The following HIVEP3 variants were observed in gnomAD, a reference collection of about 807,000 sequenced individuals.
HIVEP3 encodes transcription factor HIVEP3.
Under a neutral mutation model 152.8 loss-of-function variants are expected in HIVEP3, and 49 were observed. The observed-to-expected ratio is 0.32, with a 90% CI of 0.26 to 0.41. The LOEUF (loss-of-function observed/expected upper bound fraction) is 0.41. Ranked by LOEUF, HIVEP3 falls within the 10% of genes least tolerant of loss-of-function variation. HIVEP3 has a pLI of 1.00. For missense variants in HIVEP3, 2,790 were observed against 3,103.3 expected, an observed-to-expected ratio of 0.90 and a Z score of 2.40; for synonymous variants, 1,269 against 1,289.0, an observed-to-expected ratio of 0.98 and a Z score of 0.33.
intron 1 of HIVEP3, among the ~76,000 whole-genome samples, chr1:41,765,962 C>T (rs865884381): frequency 1.2e-4 from 18 of 152,338 alleles, no homozygotes; most frequent in Middle Eastern, 3.4e-3. Flanking sequence ...CCCTGGCCCA[C>T]GCTGGCTGAC....
intron 2 of HIVEP3, among the ~76,000 whole-genome samples, chr1:41,639,006 C>T (rs1014405895): frequency 7.2e-5 from 11 of 152,210 alleles, no homozygotes; most frequent in African/African-American, 2.7e-4. Flanking sequence ...CCCTGAGGCC[C>T]CTGCCACCCT....
chr1:42,017,173 T>C (rs1230007940), intron 1 of HIVEP3, among the ~76,000 whole-genome samples: 1 of 152,140 alleles, frequency 6.6e-6, no homozygotes, highest in Non-Finnish European at 1.5e-5. Context: ...TTTTTTCCAA[T>C]TCATGTTTCT....
chr1:42,015,207 A>G (rs1292489186), intron 1 of HIVEP3, among the ~76,000 whole-genome samples: 1 of 152,244 alleles, frequency 6.6e-6, no homozygotes, highest in African/African-American at 2.4e-5. Flanking sequence ...TCAGTTTTCA[A>G]GCTCAGGTAT....
At chr1:42,031,663 C>G (rs1036135017) in intron 1 of HIVEP3, among the ~76,000 whole-genome samples, 4 of 152,158 alleles carry the variant, frequency 2.6e-5, no homozygotes, top group African/African-American at 9.7e-5. Context: ...TAAAGAACTA[C>G]TAGTCTAAAA....
intron 1 of HIVEP3, among the ~76,000 whole-genome samples, chr1:42,029,479 G>T (rs1645601207): frequency 1.3e-5 from 2 of 152,162 alleles, no homozygotes; most frequent in South Asian, 2.1e-4. Context: ...TGGGAATAAT[G>T]ATTATTATTA....
chr1:41,891,933 C>T (rs752254951), intron 1 of HIVEP3, among the ~76,000 whole-genome samples: 2 of 152,196 alleles, frequency 1.3e-5, no homozygotes. Flanking sequence ...AGGAGAAAGG[C>T]ACATCGGTTC....
At chr1:41,851,242 A>G (rs1029162541) in intron 1 of HIVEP3, among the ~76,000 whole-genome samples, 6 of 150,492 alleles carry the variant, frequency 4.0e-5, no homozygotes, top group Admixed American at 1.3e-4. Flanking sequence ...TGTCTAATGA[A>G]CAAATGAATG....
At chr1:41,948,211 T>C (rs910075844) in intron 1 of HIVEP3, among the ~76,000 whole-genome samples, 17 of 152,220 alleles carry the variant, frequency 1.1e-4, no homozygotes, top group African/African-American at 3.9e-4. Context: ...AATGGAATAC[T>C]TGAAAGTAAT....
chr1:41,511,789 C>T lies in HIVEP3; in HGVS notation c.6406-523G>A, dbSNP rs1642423463. On this transcript the variant is annotated intron_variant, in intron 8 of 8. Transcript: ENST00000372583. The surrounding 1 kb of genome is among the most constrained non-coding windows in gnomAD (Gnocchi z 4.9). ...GTGACAGGGCTGGGTCATGGCAACA[C>T]GGGGACAGAGAAGGTGTCGGAAGGG... 1.3e-5 allele frequency among the ~76,000 whole-genome samples: 2 copies of T among 152,020 alleles called. No homozygotes were observed. Among genetic ancestry groups the T allele is most frequent in the Admixed American group, 6.6e-5 (1 of 15,264 alleles).
intron 1 of HIVEP3, among the ~76,000 whole-genome samples, chr1:41,729,593 C>A (rs1646808107): frequency 6.6e-6 from 1 of 152,200 alleles, no homozygotes; most frequent in Non-Finnish European, 1.5e-5. Context: ...TAAACTCCTC[C>A]TTTCCAACTC....
chr1:41,514,242 C>G (rs1243272040), intron 7 of HIVEP3, among the ~76,000 whole-genome samples: 1 of 152,156 alleles, frequency 6.6e-6, no homozygotes, highest in Non-Finnish European at 1.5e-5. Context: ...TTGGTCTCCC[C>G]CTTTGTCGAA....
chr1:41,964,437 A>G (rs1570850471), intron 1 of HIVEP3, among the ~76,000 whole-genome samples: 1 of 152,328 alleles, frequency 6.6e-6, no homozygotes, highest in East Asian at 1.9e-4. Context: ...ATGAGCCCAC[A>G]CAACCAGGGT....
At chr1:41,537,435 C>T (rs928524694) in intron 5 of HIVEP3, among the ~76,000 whole-genome samples, 21 of 152,188 alleles carry the variant, frequency 1.4e-4, no homozygotes, top group African/African-American at 4.3e-4. Context: ...CCCACTTTGG[C>T]GGGCAGCCTG....
chr1:41,730,110 C>T lies in HIVEP3; in HGVS notation c.-800-29115G>A, dbSNP rs1007412715. Among the ~76,000 whole-genome samples, 6 of 152,194 alleles carry T rather than the reference C, an allele frequency of 3.9e-5. No individual in the cohort carries two copies. The South Asian group carries it at 6.2e-4, about 16-fold the overall frequency. ...GGGCTTTCATCTTCCTGTGGGAATT[C>T]GCCCCCTTTCTCACAGGGGCCCTCA... On this transcript the variant is annotated intron_variant, in intron 1 of 8. Coordinates refer to ENST00000372583, the MANE Select transcript of HIVEP3 (RefSeq NM_024503.5).
At chr1:41,563,774 G>A (rs190966445) in intron 5 of HIVEP3, among the ~76,000 whole-genome samples, 36 of 152,114 alleles carry the variant, frequency 2.4e-4, no homozygotes, top group African/African-American at 8.7e-4. Flanking sequence ...CCTAAAAACA[G>A]AACAAGAACA....
intron 3 of HIVEP3, among the ~76,000 whole-genome samples, chr1:41,617,724 C>T (rs1644989367): frequency 6.6e-6 from 1 of 152,234 alleles, no homozygotes; most frequent in Non-Finnish European, 1.5e-5. Flanking sequence ...TCATCTTCAC[C>T]TCTCCCAAAT....
chr1:41,557,213 A>T (rs1011640530), intron 5 of HIVEP3, among the ~76,000 whole-genome samples: 1 of 152,178 alleles, frequency 6.6e-6, no homozygotes. Context: ...TATCTATGGC[A>T]TCTGTGTCAT....
chr1:41,936,819 T>C (rs1394295861), intron 1 of HIVEP3, among the ~76,000 whole-genome samples: 1 of 152,186 alleles, frequency 6.6e-6, no homozygotes, highest in Non-Finnish European at 1.5e-5. Flanking sequence ...TATGCTCTTA[T>C]GATGGGACAC....
intron 1 of HIVEP3, among the ~76,000 whole-genome samples, chr1:41,717,036 G>A (rs1332293281): frequency 6.6e-6 from 1 of 152,194 alleles, no homozygotes; most frequent in Non-Finnish European, 1.5e-5. Context: ...CTCTTTTGGG[G>A]AGAGCTGGTT....
Sources: gnomAD v4.1 joint callset for allele counts (sites outside exome capture counted in the v4.1 genomes callset) on GRCh38, gnomAD v4.1.1 for gene constraint, Gnocchi (gnomAD v3.1) non-coding constraint, MANE v1.5 for transcripts, NCBI Gene and HGNC (gene_info 2026-07-23, HGNC 2026-07-21) for gene names.